Variants in KDM2B observed in about 807,000 individuals in gnomAD.
KDM2B encodes lysine-specific demethylase 2B.
Under a neutral mutation model 150.0 loss-of-function variants are expected in KDM2B, and 26 were observed. That is an observed-to-expected ratio of 0.17 (90% confidence interval 0.13 to 0.24). The LOEUF (loss-of-function observed/expected upper bound fraction) is 0.24. KDM2B is among the 10% of genes least tolerant of loss of function. KDM2B has a pLI of 1.00. For synonymous variants in KDM2B, 734 were observed against 729.5 expected (o/e 1.01, Z -0.10); for missense variants, 1,265 against 1,816.9 (o/e 0.70, Z 5.52).
chr12:121,519,676 G>A (rs1886519382), intron 9 of KDM2B, among the ~76,000 whole-genome samples: 1 of 152,038 alleles, frequency 6.6e-6, no homozygotes. Flanking sequence ...TTCTTTTTGG[G>A]GTGATGAAAA....
chr12:121,491,599 C>G (rs1883357645), intron 12 of KDM2B, among the ~76,000 whole-genome samples: 1 of 151,884 alleles, frequency 6.6e-6, no homozygotes, highest in Admixed American at 6.6e-5. Context: ...TCAAGATCAG[C>G]CTGGCCAACA....
chr12:121,441,679 C>T (rs193167169), intron 19 of KDM2B, among the ~76,000 whole-genome samples: 6 of 152,224 alleles, frequency 3.9e-5, no homozygotes, highest in African/African-American at 9.6e-5. Flanking sequence ...TCAAGTGATC[C>T]GCCCGCAAAG....
chr12:121,576,304 G>T (rs1401323173), intron 2 of KDM2B, among the ~76,000 whole-genome samples: 1 of 152,228 alleles, frequency 6.6e-6, no homozygotes, highest in African/African-American at 2.4e-5. Context: ...GGCCCAGAGA[G>T]GAGGCTGGGA....
chr12:121,430,338 T>G lies in KDM2B; in HGVS notation c.3961A>C (p.Ser1321Arg), dbSNP rs782768550. 6.2e-7 allele frequency: 1 copy of G among 1,614,008 alleles called. No individual in the cohort carries two copies. Among genetic ancestry groups the G allele is most frequent in the Non-Finnish European group, 8.5e-7 (1 of 1,179,956 alleles). ...CEQFIAEMSV[S>R]VQFGQVEEKL... is the part of the protein sequence containing the mutation. The stretch of plus-strand genomic sequence containing the variant: ...TCTTCTACTTGCCCAAACTGGACAC[T>G]CACAGACATCTCGGCTATGAACTGC... The change falls in exon 23 of 23, where the codon AGT becomes CGT. Residue 1321 changes from serine to arginine, a missense_variant. Transcript: ENST00000377071. The surrounding 1 kb of genome is among the most constrained non-coding windows in gnomAD (Gnocchi z 4.4).
chr12:121,548,249 A>G lies in KDM2B; in HGVS notation c.683+628T>C, dbSNP rs530687282. Among the ~76,000 whole-genome samples, 191 of 152,304 alleles carry G rather than the reference A, an allele frequency of 1.3e-3. 1 individual carries two copies. The highest frequency in any genetic ancestry group is 4.5e-3 in the African/African-American group (186 of 41,556). ...GCCACTGCACTCCAGCCTGGGAGAC[A>G]GAGCAAGACTCTGTCTCAGAAAAAA... is the stretch of plus-strand genomic sequence containing the variant. On this transcript the variant is annotated intron_variant, in intron 6 of 22. Coordinates refer to ENST00000377071, the MANE Select transcript of KDM2B (RefSeq NM_032590.5).
At chr12:121,581,607 G>C (rs1891967457), upstream of KDM2B, among the ~76,000 whole-genome samples, 2 of 152,164 alleles carry the variant, frequency 1.3e-5, no homozygotes, top group Non-Finnish European at 2.9e-5. Context: ...AAAATGACAT[G>C]GCAAGAGGGA....
intron 11 of KDM2B, among the ~76,000 whole-genome samples, chr12:121,503,816 T>A (rs1389043070): frequency 6.6e-6 from 1 of 152,234 alleles, no homozygotes; most frequent in African/African-American, 2.4e-5. Flanking sequence ...CATATCATAG[T>A]GAGGACACTG....
intron 22 of KDM2B, among the ~76,000 whole-genome samples, chr12:121,431,429 T>C (rs1305538673): frequency 6.6e-6 from 1 of 151,168 alleles, no homozygotes; most frequent in Non-Finnish European, 1.5e-5. Context: ...GATTACAGGC[T>C]TGCGCTACTG....
intron 4 of KDM2B, among the ~76,000 whole-genome samples, chr12:121,564,981 C>T (rs903314122): frequency 1.3e-5 from 2 of 151,990 alleles, no homozygotes; most frequent in African/African-American, 2.4e-5. Context: ...TGCAGGCGTG[C>T]ACCACCACAC....
chr12:121,478,902 G>A (rs1426195053), intron 12 of KDM2B, among the ~76,000 whole-genome samples: 6 of 151,438 alleles, frequency 4.0e-5, no homozygotes, highest in African/African-American at 1.5e-4. Flanking sequence ...GTGTTTTGTA[G>A]AGACAGAGTT....
chr12:121,458,899 A>C (rs546101807), intron 12 of KDM2B, among the ~76,000 whole-genome samples: 1 of 151,986 alleles, frequency 6.6e-6, no homozygotes, highest in South Asian at 2.1e-4. Flanking sequence ...CATCCTGCTC[A>C]ACCTGGTGAA....
At chr12:121,432,639 C>G (rs1222673844) in intron 22 of KDM2B, among the ~76,000 whole-genome samples, 1 of 152,146 alleles carries the variant, frequency 6.6e-6, no homozygotes, top group Non-Finnish European at 1.5e-5. Context: ...TGCAGATATC[C>G]CAGAGGCTTG....
chr12:121,444,957 A>G (rs1420850678), intron 14 of KDM2B: 1 of 409,328 alleles, frequency 2.4e-6, no homozygotes, highest in Non-Finnish European at 4.5e-6. Context: ...AGAAGCCTGG[A>G]GCCACCTGGA....
At chr12:121,545,854 G>C (rs1410876762) in intron 6 of KDM2B, among the ~76,000 whole-genome samples, 1 of 135,052 alleles carries the variant, frequency 7.4e-6, no homozygotes, top group Non-Finnish European at 1.5e-5. Context: ...CACTGCCTCT[G>C]TTCCAGCCCC....
At chr12:121,522,440 G>A (rs186829559) in intron 8 of KDM2B, among the ~76,000 whole-genome samples, 19 of 151,154 alleles carry the variant, frequency 1.3e-4, no homozygotes, top group Admixed American at 6.6e-4. Context: ...GCTTGAACCC[G>A]GAAGGTGAGG....
chr12:121,510,986 A>G (rs1473340479), intron 10 of KDM2B, among the ~76,000 whole-genome samples: 2 of 151,146 alleles, frequency 1.3e-5, no homozygotes, highest in African/African-American at 4.9e-5. Flanking sequence ...GCTGAAGGGT[A>G]TGAGTTTCTT....
chr12:121,540,442 G>A (rs1433245681), intron 6 of KDM2B, among the ~76,000 whole-genome samples: 1 of 152,032 alleles, frequency 6.6e-6, no homozygotes, highest in East Asian at 1.9e-4. Context: ...TGTGAAGGAG[G>A]GTTGACTGAA....
intron 17 of KDM2B, chr12:121,443,309 C>T (rs1356180219): frequency 1.0e-5 from 6 of 581,334 alleles, no homozygotes; most frequent in Non-Finnish European, 1.8e-5. Context: ...TTCAAATCAT[C>T]CTCGGCTCTG....
chr12:121,532,137 G>A (rs1205898942), intron 8 of KDM2B, among the ~76,000 whole-genome samples: 4 of 151,502 alleles, frequency 2.6e-5, no homozygotes, highest in Non-Finnish European at 4.4e-5. Flanking sequence ...AAGAAAAAAA[G>A]CACAACTCCT....
Sources: gnomAD v4.1 joint callset for allele counts (sites outside exome capture counted in the v4.1 genomes callset) on GRCh38, gnomAD v4.1.1 for gene constraint, Gnocchi (gnomAD v3.1) non-coding constraint, MANE v1.5 for transcripts, NCBI Gene and HGNC (gene_info 2026-07-23, HGNC 2026-07-21) for gene names.